TENM4: variants seen among roughly 807,000 people sequenced by gnomAD.
The protein encoded by TENM4 is teneurin-4.
A neutral mutation model predicts 243.3 loss-of-function variants in TENM4; 82 were observed. The observed-to-expected ratio is 0.34, with a 90% CI of 0.28 to 0.40. The LOEUF (loss-of-function observed/expected upper bound fraction) is 0.40, where lower values mean the gene tolerates loss of function less well. Among genes scored for constraint, TENM4 ranks in the 10% least tolerant of loss-of-function variants. The pLI is 1.00. For missense variants in TENM4, 3,138 were observed against 3,673.3 expected (o/e 0.85, Z 3.77); for synonymous variants, 1,412 against 1,456.3 (o/e 0.97, Z 0.69).
intron 4 of TENM4, among the ~76,000 whole-genome samples, chr11:79,108,373 C>G (rs540134618): frequency 6.6e-6 from 1 of 152,272 alleles, no homozygotes; most frequent in South Asian, 2.1e-4. Context: ...CATCAACTCC[C>G]GCCTGAATTT....
intron 22 of TENM4, 102 bp from the exon 23 acceptor site, chr11:78,726,324 G>C: frequency 7.3e-7 from 1 of 1,366,062 alleles, no homozygotes; most frequent in Non-Finnish European, 9.7e-7. Context: ...TGTAGAAGAG[G>C]AAAAAAGGGT....
chr11:79,291,657 G>T lies in TENM4; in HGVS notation c.-265+5831C>A, dbSNP rs1242373457. Among the ~76,000 whole-genome samples the T allele has an allele frequency of 4.6e-5, 7 of 152,136 alleles. No individual in the cohort carries two copies. The East Asian group carries it at 1.3e-3, about 29-fold the overall frequency. On this transcript the variant is annotated intron_variant, in intron 2 of 33. Coordinates refer to ENST00000278550, the MANE Select transcript of TENM4 (RefSeq NM_001098816.3). The stretch of plus-strand genomic sequence containing the variant: ...GCTGGGCCGAGGGGGTGGAAGTGGG[G>T]AAGTAAGTGCCTTCAGTGTCCAGCT...
chr11:78,784,409 G>A (rs993999202), intron 16 of TENM4, among the ~76,000 whole-genome samples: 7 of 152,092 alleles, frequency 4.6e-5, no homozygotes, highest in Non-Finnish European at 1.0e-4. Context: ...TGTTCCTTCA[G>A]CACGAGGGTG....
At chr11:78,832,473 T>A (rs189326806) in intron 12 of TENM4, among the ~76,000 whole-genome samples, 1 of 152,382 alleles carries the variant, frequency 6.6e-6, no homozygotes, top group Admixed American at 6.5e-5. Flanking sequence ...TACATATGTT[T>A]GTAAATGGAT....
intron 2 of TENM4, among the ~76,000 whole-genome samples, chr11:79,292,806 C>T (rs487345): frequency 0.74 from 112,064 of 152,230 alleles, 41,451 homozygotes; most frequent in East Asian, 0.83. Flanking sequence ...TGTAAAATGG[C>T]TTTAATAATA....
intron 9 of TENM4, among the ~76,000 whole-genome samples, chr11:78,865,607 G>GC (rs1430204557): frequency 1.3e-5 from 2 of 152,128 alleles, no homozygotes; most frequent in Non-Finnish European, 2.9e-5. Context: ...CTGTGTGACT[G>GC]CCATCAAGAC....
At chr11:78,895,047 G>A (rs1048478242) in intron 7 of TENM4, among the ~76,000 whole-genome samples, 13 of 141,502 alleles carry the variant, frequency 9.2e-5, no homozygotes, top group Admixed American at 8.6e-4. Flanking sequence ...CTACCGCCTT[G>A]AAATAGTCTT....
intron 1 of TENM4, among the ~76,000 whole-genome samples, chr11:79,325,875 G>C (rs180706837): frequency 1.3e-5 from 2 of 152,308 alleles, no homozygotes; most frequent in African/African-American, 4.8e-5. Flanking sequence ...ATCCTTAAGA[G>C]AGCATGAAAC....
chr11:79,206,374 T>C (rs80197463), intron 3 of TENM4, among the ~76,000 whole-genome samples: 5,161 of 152,268 alleles, frequency 0.034, 151 homozygotes, highest in East Asian at 0.16. Context: ...AGCTTTCTTC[T>C]AATTTGAGGT....
At chr11:79,395,275 A>T (rs976005439) in intron 1 of TENM4, among the ~76,000 whole-genome samples, 2 of 152,190 alleles carry the variant, frequency 1.3e-5, no homozygotes, top group African/African-American at 2.4e-5. Context: ...TCTGGAAATG[A>T]TCTGTATAGG....
chr11:79,244,108 A>T (rs143680211), intron 2 of TENM4, among the ~76,000 whole-genome samples: 335 of 152,234 alleles, frequency 2.2e-3, no homozygotes, highest in Non-Finnish European at 3.8e-3. Flanking sequence ...CCCTTAGAAC[A>T]CAAGTTGCTG....
intron 2 of TENM4, among the ~76,000 whole-genome samples, chr11:79,223,095 T>C (rs1002194288): frequency 2.6e-5 from 4 of 151,962 alleles, no homozygotes; most frequent in Non-Finnish European, 5.9e-5. Context: ...CGTCTACCTG[T>C]GTAACAAACC....
intron 3 of TENM4, among the ~76,000 whole-genome samples, chr11:79,156,842 A>G (rs1420690456): frequency 6.6e-6 from 1 of 152,230 alleles, no homozygotes; most frequent in Non-Finnish European, 1.5e-5. Flanking sequence ...AAGCACAAGG[A>G]TCAAATATGC....
chr11:79,188,297 G>C (rs890641403), intron 3 of TENM4, among the ~76,000 whole-genome samples: 1 of 152,136 alleles, frequency 6.6e-6, no homozygotes, highest in East Asian at 1.9e-4. Context: ...GAAATCTGAG[G>C]ATCTGGTAAA....
chr11:79,032,061 G>A (rs1036101358), intron 6 of TENM4, among the ~76,000 whole-genome samples: 1 of 152,170 alleles, frequency 6.6e-6, no homozygotes, highest in African/African-American at 2.4e-5. Flanking sequence ...GCCTCACTTA[G>A]ATGTATTTTA....
chr11:79,251,121 C>T (rs771047371), intron 2 of TENM4, among the ~76,000 whole-genome samples: 8 of 152,266 alleles, frequency 5.3e-5, no homozygotes, highest in African/African-American at 1.4e-4. Context: ...CACAGGCACA[C>T]GTCTTAATAG....
At chr11:78,860,719 G>A (rs1021497157) in intron 10 of TENM4, among the ~76,000 whole-genome samples, 2 of 152,168 alleles carry the variant, frequency 1.3e-5, no homozygotes, top group Admixed American at 6.5e-5. Flanking sequence ...CCAGTCTGAC[G>A]TATTTTTTTT....
intron 4 of TENM4, among the ~76,000 whole-genome samples, chr11:79,116,051 A>G (rs1025405080): frequency 6.6e-6 from 1 of 152,224 alleles, no homozygotes; most frequent in East Asian, 1.9e-4. Context: ...GGACCTGAAG[A>G]CACTTGAAAA....
chr11:79,238,544 T>C (rs1864523112), intron 2 of TENM4, among the ~76,000 whole-genome samples: 1 of 152,154 alleles, frequency 6.6e-6, no homozygotes, highest in Non-Finnish European at 1.5e-5. Flanking sequence ...GCTCCCCTGG[T>C]TCTCAGGCCT....
Sources: gnomAD v4.1 joint callset for allele counts (sites outside exome capture counted in the v4.1 genomes callset) on GRCh38, gnomAD v4.1.1 for gene constraint, MANE v1.5 for transcripts, NCBI Gene and HGNC (gene_info 2026-07-23, HGNC 2026-07-21) for gene names.